Variants in RBM20 observed in about 807,000 individuals in gnomAD.
RBM20 encodes the protein RNA-binding protein 20.
In RBM20, 51 loss-of-function variants were observed where a neutral mutation model predicts 110.1. The ratio of observed to expected loss-of-function variants is 0.46; its 90% CI spans 0.37 to 0.59. The LOEUF (loss-of-function observed/expected upper bound fraction) is 0.59. RBM20 is among the 20% of genes least tolerant of loss of function. The pLI, the probability that RBM20 is intolerant of heterozygous loss-of-function variation, is 0.00. For missense variants in RBM20, 1,512 were observed against 1,574.9 expected (o/e 0.96, Z 0.68); for synonymous variants, 589 against 618.2 (o/e 0.95, Z 0.70).
intron 9 of RBM20, among the ~76,000 whole-genome samples, chr10:110,816,625 C>T (rs1564662776): frequency 6.6e-6 from 1 of 152,152 alleles, no homozygotes; most frequent in African/African-American, 2.4e-5. Context: ...TACTTAGTGT[C>T]TATTGTCACC....
At position 110,746,696 on chromosome 10, in the gene RBM20, T is replaced by C. The variant is rs531624200; in HGVS notation, c.192-34105T>C. ...CTATGGAGAGGGTCTGGGATTAGGG[T>C]TGCAATGGGCATTGGATGCCTCTTT... On this transcript the variant is annotated intron_variant, in intron 1 of 13. Transcript: ENST00000369519. Among the ~76,000 whole-genome samples the C allele has an allele frequency of 4.6e-5, 7 of 152,250 alleles. No individual in the cohort carries two copies. In the South Asian group the frequency reaches 1.5e-3, roughly 32 times the overall value.
chr10:110,728,183 G>T (rs1273565165), intron 1 of RBM20, among the ~76,000 whole-genome samples: 1 of 152,078 alleles, frequency 6.6e-6, no homozygotes, highest in Non-Finnish European at 1.5e-5. Flanking sequence ...GGAATTGCTG[G>T]GTCAAATGCT....
chr10:110,715,227 G>A (rs566732783), intron 1 of RBM20, among the ~76,000 whole-genome samples: 8 of 152,258 alleles, frequency 5.3e-5, no homozygotes, highest in East Asian at 1.9e-4. Context: ...CAGCCTGTGC[G>A]ACACAGTGAG....
chr10:110,809,180 G>A (rs1006935555), intron 7 of RBM20, among the ~76,000 whole-genome samples: 5 of 120,746 alleles, frequency 4.1e-5, no homozygotes, highest in African/African-American at 5.9e-5. Flanking sequence ...TTGTACCATT[G>A]CATTCCAGCC....
chr10:110,738,404 T>G (rs1843693845), intron 1 of RBM20, among the ~76,000 whole-genome samples: 1 of 152,098 alleles, frequency 6.6e-6, no homozygotes, highest in African/African-American at 2.4e-5. Flanking sequence ...GTTGATAACA[T>G]GTTCCCACGA....
chr10:110,725,352 G>C (rs1183350545), intron 1 of RBM20, among the ~76,000 whole-genome samples: 2 of 152,178 alleles, frequency 1.3e-5, no homozygotes, highest in East Asian at 1.9e-4. Context: ...GGACCCTTGT[G>C]GGGGACCTGT....
chr10:110,707,859 C>T (rs1220301041), intron 1 of RBM20, among the ~76,000 whole-genome samples: 1 of 152,098 alleles, frequency 6.6e-6, no homozygotes, highest in African/African-American at 2.4e-5. Flanking sequence ...CGATAGTCAA[C>T]AATAACTTAT....
chr10:110,768,113 G>A (rs1264003181), intron 1 of RBM20, among the ~76,000 whole-genome samples: 1 of 152,216 alleles, frequency 6.6e-6, no homozygotes, highest in Non-Finnish European at 1.5e-5. Flanking sequence ...GCCTGCAATC[G>A]CAGGCACTCG....
intron 1 of RBM20, among the ~76,000 whole-genome samples, chr10:110,652,664 C>A (rs1352950033): frequency 1.3e-5 from 2 of 152,108 alleles, no homozygotes; most frequent in African/African-American, 4.8e-5. Context: ...GACAAATGAG[C>A]ATCAGAGAAG....
intron 1 of RBM20, among the ~76,000 whole-genome samples, chr10:110,745,333 GT>G (rs1471383242): frequency 1.3e-5 from 2 of 152,140 alleles, no homozygotes; most frequent in Non-Finnish European, 2.9e-5. Flanking sequence ...CGCCTGCTGG[GT>G]TTGAACAGTG....
At chr10:110,792,133 CTCTA>C (rs201607321) in intron 5 of RBM20, among the ~76,000 whole-genome samples, 1,841 of 144,532 alleles carry the variant, frequency 0.013, 36 homozygotes, top group African/African-American at 0.047. Context: ...CTCTATCTTC[CTCTA>C]TCTGTCTATC....
chr10:110,815,534 T>C (rs1263509360), intron 9 of RBM20, among the ~76,000 whole-genome samples: 1 of 152,152 alleles, frequency 6.6e-6, no homozygotes, highest in African/African-American at 2.4e-5. Flanking sequence ...TGGTGATGGA[T>C]GATGGGCAGA....
intron 1 of RBM20, among the ~76,000 whole-genome samples, chr10:110,651,236 A>C (rs747296710): frequency 6.6e-6 from 1 of 152,234 alleles, no homozygotes; most frequent in Admixed American, 6.5e-5. Flanking sequence ...ACATCAATTA[A>C]ATTTAGCCAT....
At chr10:110,776,303 G>A (rs924627579) in intron 1 of RBM20, among the ~76,000 whole-genome samples, 1 of 152,134 alleles carries the variant, frequency 6.6e-6, no homozygotes, top group Non-Finnish European at 1.5e-5. Context: ...TAATTGTCTT[G>A]GGAATTGTGT....
intron 8 of RBM20, among the ~76,000 whole-genome samples, chr10:110,811,066 T>C (rs1844762022): frequency 6.6e-6 from 1 of 152,192 alleles, no homozygotes. Context: ...CCACTGTCAC[T>C]CCCCTACAAA....
At chr10:110,703,193 A>G (rs1862785095) in intron 1 of RBM20, among the ~76,000 whole-genome samples, 2 of 151,854 alleles carry the variant, frequency 1.3e-5, no homozygotes, top group Non-Finnish European at 2.9e-5. Flanking sequence ...CCTGGTCAAC[A>G]TGGTGAAACA....
intron 1 of RBM20, among the ~76,000 whole-genome samples, chr10:110,748,812 A>G (rs1291087231): frequency 6.6e-6 from 1 of 152,166 alleles, no homozygotes; most frequent in East Asian, 1.9e-4. Context: ...CATCATGACT[A>G]TTTAGTTCCA....
chr10:110,762,729 AACCACTGCAC>A (rs1302422692), intron 1 of RBM20, among the ~76,000 whole-genome samples: 1 of 152,076 alleles, frequency 6.6e-6, no homozygotes, highest in Non-Finnish European at 1.5e-5. Flanking sequence ...GTTTGTTTTT[AACCACTGCAC>A]ATCACTGCTT....
intron 9 of RBM20, among the ~76,000 whole-genome samples, chr10:110,819,808 G>A (rs1275823573): frequency 6.6e-6 from 1 of 152,086 alleles, no homozygotes; most frequent in Non-Finnish European, 1.5e-5. Flanking sequence ...TAAAGACATC[G>A]GGCCAGGCTT....
Sources: allele counts gnomAD v4.1 joint callset (sites outside exome capture counted in the v4.1 genomes callset), GRCh38; gene constraint gnomAD v4.1.1; transcripts MANE v1.5; gene names NCBI Gene and HGNC (gene_info 2026-07-23, HGNC 2026-07-21).